PCDHGA6: variants seen among roughly 807,000 people sequenced by gnomAD.
PCDHGA6 encodes protocadherin gamma subfamily A, 6.
PCDHGA6 carries 41 observed loss-of-function variants against 60.6 expected under a neutral mutation model. The observed-to-expected ratio is 0.68, with a 90% CI of 0.53 to 0.88. The LOEUF is 0.88. Ranked by LOEUF, PCDHGA6 falls within the 40% of genes least tolerant of loss-of-function variation. PCDHGA6 has a pLI of 0.00. For synonymous variants in PCDHGA6, 594 were observed against 524.4 expected, an observed-to-expected ratio of 1.13 and a Z score of -1.81; for missense variants, 1,312 against 1,203.0, an observed-to-expected ratio of 1.09 and a Z score of -1.34.
chr5:141,394,427 G>A (rs748527281), intron 1 of PCDHGA6: 23 of 1,614,228 alleles, frequency 1.4e-5, no homozygotes, highest in Non-Finnish European at 1.6e-5. Flanking sequence ...GCGACAGCGG[G>A]GACCCGCCCC....
chr5:141,394,652 G>T (rs1589237070), intron 1 of PCDHGA6: 1 of 1,613,422 alleles, frequency 6.2e-7, no homozygotes, highest in Non-Finnish European at 8.5e-7. Flanking sequence ...AGGCCAGCGA[G>T]CCGGGACTCT....
chr5:141,377,417 G>A (rs1773959916), intron 1 of PCDHGA6: 1 of 152,028 alleles, frequency 6.6e-6, no homozygotes, highest in Non-Finnish European at 1.5e-5. Context: ...ACCAGCCTGG[G>A]TGACTCTGTC....
chr5:141,491,857 G>A lies in PCDHGA6; in HGVS notation c.2425-2950G>A. Reference sequence around the variant, plus strand: ...CTCGGGATCATTGGACCGTTTGCGCGAAACCAGAGTGGCCGATTAAGGGAT... The same window carrying A: ...CTCGGGATCATTGGACCGTTTGCGCAAAACCAGAGTGGCCGATTAAGGGAT... On this transcript the variant is annotated intron_variant, in intron 1 of 3. Transcript: ENST00000517434. This position sits in a 1 kb window ranked among gnomAD's most constrained non-coding sequence, Gnocchi z 6.9. The A allele has an allele frequency of 6.9e-7, 1 of 1,457,470 alleles. No homozygotes were observed. The highest frequency in any genetic ancestry group is 1.5e-5 in the South Asian group (1 of 68,508). The allele number at this position is 1,457,470 out of a possible 1,614,324, so 90.3% of individuals were successfully genotyped here. A position where few individuals can be genotyped will look rare whatever the true frequency, so the allele number is the denominator to read the frequency against.
intron 1 of PCDHGA6, chr5:141,479,339 G>GTA (rs1298553162): frequency 1.3e-5 from 2 of 152,644 alleles, no homozygotes; most frequent in East Asian, 3.8e-4. Context: ...GTGTGCACCT[G>GTA]TAGTTCTTGC....
chr5:141,438,337 T>C (rs935624931), intron 1 of PCDHGA6, among the ~76,000 whole-genome samples: 25 of 151,926 alleles, frequency 1.6e-4, no homozygotes, highest in Non-Finnish European at 1.9e-4. Context: ...ACATGTCATA[T>C]AAGGATCTAC....
At chr5:141,436,327 C>T (rs1384222077) in intron 1 of PCDHGA6, among the ~76,000 whole-genome samples, 1 of 152,098 alleles carries the variant, frequency 6.6e-6, no homozygotes, top group Admixed American at 6.5e-5. Flanking sequence ...ACTGTTAGAC[C>T]ATATCTCAAA....
At chr5:141,386,425 C>T (rs996269178) in intron 1 of PCDHGA6, among the ~76,000 whole-genome samples, 2 of 151,916 alleles carry the variant, frequency 1.3e-5, no homozygotes, top group East Asian at 1.9e-4. Context: ...AGCTGTAGCC[C>T]ACCTGCATGG....
chr5:141,479,050 C>G (rs1484021560), intron 1 of PCDHGA6, among the ~76,000 whole-genome samples: 1 of 152,164 alleles, frequency 6.6e-6, no homozygotes, highest in South Asian at 2.1e-4. Context: ...ACCTCATTCT[C>G]AGATAATTTT....
At chr5:141,438,621 T>C (rs1164140266) in intron 1 of PCDHGA6, among the ~76,000 whole-genome samples, 4 of 41,368 alleles carry the variant, frequency 9.7e-5, no homozygotes, top group Admixed American at 3.5e-4. Flanking sequence ...TATATATATA[T>C]ATATATATAT....
At chr5:141,416,722 A>C (rs891558095) in intron 1 of PCDHGA6, 3 of 152,258 alleles carry the variant, frequency 2.0e-5, no homozygotes, top group African/African-American at 7.2e-5. Context: ...TGATGAGTTC[A>C]TTTAGTTCAA....
At position 141,431,754 on chromosome 5, in the gene PCDHGA6, A is replaced by C; in HGVS notation, c.2424+55247A>C. ...AATGCAGGATATTCTGCGCGAGCCA[A>C]AGTCCTGATCACTGTTCTGGACGTG... On this transcript the variant is annotated intron_variant, in intron 1 of 3. Transcript: ENST00000517434. The surrounding 1 kb of genome is among the most constrained non-coding windows in gnomAD (Gnocchi z 4.8). The C allele has an allele frequency of 6.2e-7, 1 of 1,614,208 alleles. No individual in the cohort carries two copies. Among genetic ancestry groups the C allele is most frequent in the Middle Eastern group, 1.6e-4 (1 of 6,062 alleles).
At chr5:141,410,161 ACT>A (rs758781174) in intron 1 of PCDHGA6, 27 of 1,613,102 alleles carry the variant, frequency 1.7e-5, no homozygotes, top group South Asian at 1.1e-5. Flanking sequence ...GACAGCCGCC[ACT>A]CTCTGCCACC....
rs35482758 is a variant in PCDHGA6, at chr5:141,473,653, G to A, written c.2425-21154G>A. On this transcript the variant is annotated intron_variant, in intron 1 of 3. Coordinates refer to ENST00000517434, the MANE Select transcript of PCDHGA6 (RefSeq NM_018919.3). ...AGCTTTCCTGGCAAAGGAACAATTT[G>A]TGTGAAGGCCCTGAGACAGGGAAGG... Among the ~76,000 whole-genome samples, 302 of 152,274 alleles carry A rather than the reference G, an allele frequency of 2.0e-3. 1 individual carries two copies. Among genetic ancestry groups the A allele is most frequent in the Middle Eastern group, 0.01 (3 of 294 alleles).
chr5:141,456,263 T>C (rs2098847567), intron 1 of PCDHGA6, among the ~76,000 whole-genome samples: 2 of 152,292 alleles, frequency 1.3e-5, no homozygotes, highest in South Asian at 2.1e-4. Flanking sequence ...CCATTGCTTC[T>C]GGCTACTTCC....
rs768343920 is a variant in PCDHGA6 at position 141,376,042 on chromosome 5, T to G, written c.1959T>G (p.Pro653=). The change falls in exon 1 of 4, where the codon CCT becomes CCG. Residue 653 remains proline, a synonymous_variant. Coordinates refer to ENST00000517434, the MANE Select transcript of PCDHGA6 (RefSeq NM_018919.3). The part of the protein sequence containing the change: ...VVAVQDHGQP[P]LSATVTLTVA... The stretch of plus-strand genomic sequence containing the variant: ...CCGTCCAGGACCACGGCCAGCCCCC[T>G]CTCTCCGCCACTGTCACGCTCACCG... 2.1e-5 allele frequency: 34 copies of G among 1,613,010 alleles called. No homozygotes were observed. Among genetic ancestry groups the G allele is most frequent in the Middle Eastern group, 1.7e-4 (1 of 5,738 alleles).
At chr5:141,419,917 T>C in intron 1 of PCDHGA6, 1 of 1,612,890 alleles carries the variant, frequency 6.2e-7, no homozygotes, top group Non-Finnish European at 8.5e-7. Context: ...ACTCCCAGGC[T>C]GAGATGCAGT....
chr5:141,429,896 A>G (rs1307950556), intron 1 of PCDHGA6, among the ~76,000 whole-genome samples: 1 of 152,346 alleles, frequency 6.6e-6, no homozygotes, highest in South Asian at 2.1e-4. Flanking sequence ...TGAACAATAA[A>G]TATTTTTGAA....
intron 1 of PCDHGA6, among the ~76,000 whole-genome samples, chr5:141,397,623 T>A (rs2093546552): frequency 6.6e-6 from 1 of 152,242 alleles, no homozygotes; most frequent in South Asian, 2.1e-4. Context: ...TACTTAGTTC[T>A]AGCTAAGAGT....
intron 1 of PCDHGA6, chr5:141,398,029 G>C (rs1363038637): frequency 2.7e-6 from 4 of 1,458,540 alleles, no homozygotes; most frequent in Non-Finnish European, 3.7e-6. Flanking sequence ...ACTGGAACTG[G>C]AACTAAAGCC....
Sources: allele counts gnomAD v4.1 joint callset (sites outside exome capture counted in the v4.1 genomes callset), GRCh38; gene constraint gnomAD v4.1.1; non-coding constraint Gnocchi (gnomAD v3.1); transcripts MANE v1.5; gene names NCBI Gene and HGNC (gene_info 2026-07-23, HGNC 2026-07-21).